Variants in NLRP7 observed in about 807,000 individuals in gnomAD.
NLRP7 encodes NACHT, LRR and PYD domains-containing protein 7.
NLRP7 carries 72 observed loss-of-function variants against 85.5 expected under a neutral mutation model. The observed-to-expected ratio is 0.84, with a 90% CI of 0.70 to 1.02. The LOEUF (loss-of-function observed/expected upper bound fraction) is 1.02, where lower values mean the gene tolerates loss of function less well. NLRP7 is among the 50% of genes least tolerant of loss of function. The pLI is 0.00. For synonymous variants in NLRP7, 550 were observed against 505.2 expected (o/e 1.09, Z -1.19); for missense variants, 1,243 against 1,219.5 (o/e 1.02, Z -0.29).
chr19:54,944,174 A>G (rs1187481860), intron 1 of NLRP7, among the ~76,000 whole-genome samples: 1 of 151,972 alleles, frequency 6.6e-6, no homozygotes, highest in Non-Finnish European at 1.5e-5. Context: ...GAGGATTAGT[A>G]TAAGAGGAAG....
At chr19:54,936,489 G>T in intron 5 of NLRP7, 58 bp from the exon 6 acceptor site, 1 of 1,406,156 alleles carries the variant, frequency 7.1e-7, no homozygotes, top group Non-Finnish European at 1.0e-6. Context: ...TTGTGTGGAG[G>T]CATGTATAAA....
At chr19:54,962,330 C>A (rs1224644909) in intron 1 of NLRP7, among the ~76,000 whole-genome samples, 2 of 146,278 alleles carry the variant, frequency 1.4e-5, no homozygotes, top group Admixed American at 1.4e-4. Context: ...TGCAATGGCA[C>A]GATCTCAGCT....
rs111390802 is a variant in NLRP7, at chr19:54,941,920, G to A, written c.-39-170C>T. Among the ~76,000 whole-genome samples the A allele has an allele frequency of 1.7e-3, 254 of 151,822 alleles. 3 individuals carry two copies. Among genetic ancestry groups the A allele is most frequent in the African/African-American group, 5.9e-3 (245 of 41,400 alleles). On this transcript the variant is annotated intron_variant, in intron 1 of 9. Coordinates refer to ENST00000340844, the Ensembl canonical transcript of NLRP7. ...GCCCAGCACGGTGGCTCACGCCTGC[G>A]GCCAGGAGTTCGAGACCAGCCTGGC...
chr19:54,930,935 A>C (rs1307769119), intron 8 of NLRP7, among the ~76,000 whole-genome samples: 1 of 152,020 alleles, frequency 6.6e-6, no homozygotes, highest in Non-Finnish European at 1.5e-5. Context: ...AGGCAGGAGA[A>C]TCGCTTGAAT....
chr19:54,924,413 C>T (rs2124088), intron 9 of NLRP7, among the ~76,000 whole-genome samples: 16,417 of 151,476 alleles, frequency 0.11, 1,071 homozygotes, highest in Middle Eastern at 0.26. Flanking sequence ...GCTTGAGCTC[C>T]GCAGTTCAAG....
chr19:54,948,545 G>C (rs553632798), upstream of NLRP7, among the ~76,000 whole-genome samples: 1 of 152,092 alleles, frequency 6.6e-6, no homozygotes, highest in East Asian at 1.9e-4. Flanking sequence ...GTGAGACCCA[G>C]TCTCAAAAAA....
In NLRP7 at chr19:54,939,322, G is replaced by C. The variant is rs202189525; in HGVS notation, c.1497C>G (p.Asp499Glu). 28 of 1,614,044 alleles carry C rather than the reference G, an allele frequency of 1.7e-5. No individual in the cohort carries two copies. The highest frequency in any genetic ancestry group is 1.7e-4 in the Admixed American group (10 of 60,002). Residue 499 changes from aspartate (D) to glutamate (E), a missense_variant, in exon 4 of 10, where the codon GAC (aspartate) becomes GAG (glutamate). Physicochemically the swap from Asp to Glu is conservative, Grantham distance 45. Transcript: ENST00000340844. ...CTTCTCCGGAAAGCAGCTTCTGTAC[G>C]TCCCCGATGTCCCAGGCGTGGCCGT...
intron 1 of NLRP7, among the ~76,000 whole-genome samples, chr19:54,943,102 G>C (rs1398871525): frequency 6.6e-6 from 1 of 151,658 alleles, no homozygotes; most frequent in Non-Finnish European, 1.5e-5. Context: ...AGCTGAGATA[G>C]CGCCATTGTA....
intron 1 of NLRP7, among the ~76,000 whole-genome samples, chr19:54,943,406 C>A (rs1262972954): frequency 6.6e-6 from 1 of 152,056 alleles, no homozygotes; most frequent in Non-Finnish European, 1.5e-5. Flanking sequence ...TCGAGACCAT[C>A]CTGGCTAACA....
At chr19:54,956,217 A>C (rs1346274512) in intron 1 of NLRP7, among the ~76,000 whole-genome samples, 3 of 151,900 alleles carry the variant, frequency 2.0e-5, no homozygotes, top group Non-Finnish European at 2.9e-5. Context: ...GGAAGGAAGG[A>C]AGTCAGTCAG....
rs1419874912 is a variant in NLRP7 at position 54,938,937 on chromosome 19, C to G, written c.1882G>C (p.Val628Leu). The stretch of plus-strand genomic sequence containing the variant: ...AAATCCATGTAATTCTCCAGGAACA[C>G]CCCCTTTGCTACCTGCAGTGAGAGT... The change falls in exon 4 of 10, where the codon GTG becomes CTG. Residue 628 changes from valine (V) to leucine (L), a missense_variant. Coordinates refer to ENST00000340844, the Ensembl canonical transcript of NLRP7. The G allele has an allele frequency of 6.2e-7, 1 of 1,614,124 alleles. No homozygotes were observed. Among genetic ancestry groups the G allele is most frequent in the East Asian group, 2.2e-5 (1 of 44,888 alleles).
At chr19:54,964,390 G>T (rs1393637601) in intron 1 of NLRP7, among the ~76,000 whole-genome samples, 2 of 149,944 alleles carry the variant, frequency 1.3e-5, no homozygotes, top group African/African-American at 2.4e-5. Flanking sequence ...CTAATTTTTT[G>T]TATTTTTAGT....
intron 9 of NLRP7, among the ~76,000 whole-genome samples, chr19:54,927,319 T>A (rs577201890): frequency 6.6e-6 from 1 of 150,900 alleles, no homozygotes; most frequent in Admixed American, 6.6e-5. Context: ...AGGTGGGGGT[T>A]GCAGTGAGCC....
chr19:54,963,277 A>G (rs895700181), intron 1 of NLRP7, among the ~76,000 whole-genome samples: 6 of 152,136 alleles, frequency 3.9e-5, no homozygotes, highest in Non-Finnish European at 7.3e-5. Flanking sequence ...GTATGCCTGT[A>G]GCCTTCAGTA....
chr19:54,938,836 G>A lies in NLRP7; in HGVS notation c.1931+52C>T. The A allele has an allele frequency of 1.9e-6, 3 of 1,599,188 alleles. No homozygotes were observed. The South Asian group carries it at 3.3e-5, about 18-fold the overall frequency. On this transcript the variant is annotated intron_variant, in intron 4 of 9. Transcript: ENST00000340844. ...TTCTGACAGTAAGCGACAGGGCAAA[G>A]GAGACGCTGGCCTCTTCCTAGTGGA...
chr19:54,953,638 C>T (rs1023706861), intron 1 of NLRP7, among the ~76,000 whole-genome samples: 3 of 151,802 alleles, frequency 2.0e-5, no homozygotes, highest in South Asian at 2.1e-4. Flanking sequence ...TTAGTTTTTA[C>T]TTTTTCTTTC....
At chr19:54,931,355 A>G (rs1168165066) in intron 8 of NLRP7, among the ~76,000 whole-genome samples, 1 of 152,132 alleles carries the variant, frequency 6.6e-6, no homozygotes, top group Admixed American at 6.6e-5. Context: ...TCAGGAGTTC[A>G]AGACCAGCCT....
intron 1 of NLRP7, among the ~76,000 whole-genome samples, chr19:54,944,679 C>T (rs1047584290): frequency 1.6e-4 from 24 of 152,128 alleles, no homozygotes; most frequent in African/African-American, 5.8e-4. Flanking sequence ...GGTATAATTA[C>T]ATATATCCTA....
chr19:54,961,832 A>AT (rs1555751145), intron 1 of NLRP7, among the ~76,000 whole-genome samples: 2 of 151,190 alleles, frequency 1.3e-5, no homozygotes, highest in African/African-American at 4.8e-5. Flanking sequence ...CAAAAAAAAA[A>AT]GTACCTCCAA....
Sources: gnomAD v4.1 joint callset for allele counts (sites outside exome capture counted in the v4.1 genomes callset) on GRCh38, gnomAD v4.1.1 for gene constraint, MANE v1.5 for transcripts, NCBI Gene and HGNC (gene_info 2026-07-23, HGNC 2026-07-21) for gene names.